Variants in GPC5 observed in about 807,000 individuals in gnomAD.
The protein encoded by GPC5 is glypican-5.
GPC5 carries 47 observed loss-of-function variants against 53.9 expected under a neutral mutation model. The ratio of observed to expected loss-of-function variants is 0.87; its 90% CI spans 0.69 to 1.11. The LOEUF is 1.11. GPC5 is among the 50% of genes most tolerant of loss of function. The probability of loss-of-function intolerance (pLI) is 0.00; values close to 1 mark genes in which losing one functional copy is unlikely to be tolerated. For synonymous variants in GPC5, 286 were observed against 263.3 expected, an observed-to-expected ratio of 1.09 and a Z score of -0.84; for missense variants, 748 against 713.1, an observed-to-expected ratio of 1.05 and a Z score of -0.56.
At chr13:91,537,423 A>C (rs1886642449) in intron 2 of GPC5, among the ~76,000 whole-genome samples, 1 of 152,206 alleles carries the variant, frequency 6.6e-6, no homozygotes, top group Non-Finnish European at 1.5e-5. Context: ...CAGATTACAT[A>C]AGTGGGTGAA....
At chr13:91,410,187 T>C (rs916324857) in intron 1 of GPC5, among the ~76,000 whole-genome samples, 1 of 152,140 alleles carries the variant, frequency 6.6e-6, no homozygotes, top group South Asian at 2.1e-4. Context: ...TTGAGAAGCA[T>C]GTGGTATTGG....
chr13:92,685,550 T>TTTTTTTTTAATTTA (rs1266281960), intron 7 of GPC5, among the ~76,000 whole-genome samples: 7 of 133,264 alleles, frequency 5.3e-5, no homozygotes, highest in Non-Finnish European at 1.1e-4. Context: ...GCTCATTTTT[T>TTTTTTTTTAATTTA]TTTTTTTTAA....
intron 5 of GPC5, among the ~76,000 whole-genome samples, chr13:91,890,529 A>G (rs2039373669): frequency 6.6e-6 from 1 of 152,094 alleles, no homozygotes; most frequent in Admixed American, 6.6e-5. Context: ...TTTTAGCTAT[A>G]TTTGAGCAAC....
intron 5 of GPC5, among the ~76,000 whole-genome samples, chr13:91,783,702 A>G (rs1370273401): frequency 1.3e-5 from 2 of 152,128 alleles, no homozygotes; most frequent in Admixed American, 6.6e-5. Context: ...CTGGCCTCCC[A>G]AAGTGCTGGG....
intron 5 of GPC5, among the ~76,000 whole-genome samples, chr13:91,808,204 T>C (rs1265092169): frequency 6.6e-6 from 1 of 152,180 alleles, no homozygotes; most frequent in African/African-American, 2.4e-5. Flanking sequence ...CAAAAGCATA[T>C]ATAACTCTTT....
chr13:92,757,007 A>G (rs1874909864), intron 7 of GPC5, among the ~76,000 whole-genome samples: 1 of 151,956 alleles, frequency 6.6e-6, no homozygotes, highest in African/African-American at 2.4e-5. Context: ...GAACCAAAAA[A>G]GAGCCCGCAT....
intron 1 of GPC5, among the ~76,000 whole-genome samples, chr13:91,410,820 G>T (rs68128212): frequency 0.36 from 55,055 of 151,936 alleles, 11,021 homozygotes; most frequent in African/African-American, 0.54. Flanking sequence ...TTTATTCATA[G>T]ACAAGGTTTA....
chr13:92,503,936 G>A (rs139443582), intron 7 of GPC5, among the ~76,000 whole-genome samples: 8 of 151,838 alleles, frequency 5.3e-5, no homozygotes, highest in Non-Finnish European at 1.2e-4. Context: ...ATTTAAAGAA[G>A]AGTTATTTTG....
At chr13:92,301,234 A>G (rs2043073144) in intron 7 of GPC5, among the ~76,000 whole-genome samples, 1 of 152,174 alleles carries the variant, frequency 6.6e-6, no homozygotes, top group Non-Finnish European at 1.5e-5. Context: ...GTGGTAGATC[A>G]TATAATGGTC....
At chr13:91,755,833 A>T (rs9560849) in intron 4 of GPC5, among the ~76,000 whole-genome samples, 16,656 of 152,086 alleles carry the variant, frequency 0.11, 1,081 homozygotes, top group East Asian at 0.33. Flanking sequence ...ATCAGTAAGC[A>T]ATCACTTGGC....
intron 7 of GPC5, among the ~76,000 whole-genome samples, chr13:92,155,321 G>A (rs4586293): frequency 0.67 from 101,979 of 151,768 alleles, 34,630 homozygotes; most frequent in South Asian, 0.82. Flanking sequence ...ATGATAATCT[G>A]TTTTTCTTTC....
At chr13:91,886,574 A>C (rs1405863687) in intron 5 of GPC5, among the ~76,000 whole-genome samples, 1 of 152,238 alleles carries the variant, frequency 6.6e-6, no homozygotes, top group Non-Finnish European at 1.5e-5. Context: ...TAAGCCTGTA[A>C]AACTGAAAGC....
chr13:92,321,584 G>C (rs935742384), intron 7 of GPC5, among the ~76,000 whole-genome samples: 5 of 152,018 alleles, frequency 3.3e-5, no homozygotes, highest in Non-Finnish European at 7.3e-5. Context: ...GCCTGGGACA[G>C]AGCGAGACTC....
At chr13:91,956,608 C>A (rs1467319720) in intron 6 of GPC5, among the ~76,000 whole-genome samples, 1 of 152,146 alleles carries the variant, frequency 6.6e-6, no homozygotes, top group African/African-American at 2.4e-5. Context: ...ACCACTGGGG[C>A]CTGGAGACTG....
rs556669333 is a variant in GPC5 at position 91,781,493 on chromosome 13, G to A, written c.1280+25073G>A. Among the ~76,000 whole-genome samples the A allele has an allele frequency of 3.3e-5, 5 of 152,286 alleles. No homozygotes were observed. The East Asian group carries it at 9.6e-4, about 29-fold the overall frequency. ...AGATGTAATAAGTAAAAGATCATAT[G>A]TGGATCATTTCACTTTTGATCCAGT... is the stretch of plus-strand genomic sequence containing the variant. On this transcript the variant is annotated intron_variant, in intron 5 of 7. Coordinates refer to ENST00000377067, the MANE Select transcript of GPC5 (RefSeq NM_004466.6).
chr13:92,787,667 C>CAAAAAAAAAAAAAAAAAAAAAAAAAA lies in GPC5; in HGVS notation c.1562-78599_1562-78598insAAAAAAAAAAAAAAAAAAAAAAAAAA, dbSNP rs71202562. On this transcript the variant is annotated intron_variant, in intron 7 of 7. Transcript: ENST00000377067. ...GGGCAACAGAGAGACCTCATAGCTA[C>CAAAAAAAAAAAAAAAAAAAAAAAAAA]AAAAAAAAAAAAAAAAGAAAAGAAA... Among the ~76,000 whole-genome samples the CAAAAAAAAAAAAAAAAAAAAAAAAAA allele has an allele frequency of 2.5e-4, 14 of 56,218 alleles. No individual in the cohort carries two copies. In the East Asian group the frequency reaches 3.2e-3, roughly 13 times the overall value. The allele number at this position is 56,218 out of a possible 152,430, so 36.9% of individuals were successfully genotyped here.
chr13:91,843,556 G>C (rs2038813834), intron 5 of GPC5, among the ~76,000 whole-genome samples: 2 of 152,146 alleles, frequency 1.3e-5, no homozygotes, highest in Admixed American at 1.3e-4. Flanking sequence ...CCCTCACCTT[G>C]TAATAGTCTT....
intron 7 of GPC5, among the ~76,000 whole-genome samples, chr13:92,699,497 C>T (rs1887660948): frequency 6.6e-6 from 1 of 152,048 alleles, no homozygotes; most frequent in Admixed American, 6.6e-5. Context: ...TCCTGCTTCT[C>T]TAGTTCTTTT....
chr13:92,521,862 T>G (rs1051521517), intron 7 of GPC5, among the ~76,000 whole-genome samples: 11 of 151,920 alleles, frequency 7.2e-5, no homozygotes, highest in Admixed American at 1.3e-4. Flanking sequence ...GGGAGAAAAT[T>G]TTTGCAATCT....
Sources: allele counts gnomAD v4.1 joint callset (sites outside exome capture counted in the v4.1 genomes callset), GRCh38; gene constraint gnomAD v4.1.1; transcripts MANE v1.5; gene names NCBI Gene and HGNC (gene_info 2026-07-23, HGNC 2026-07-21).